Variants in FAM228B observed in about 807,000 individuals in gnomAD.
The protein encoded by FAM228B is protein FAM228B.
Under a neutral mutation model 42.6 loss-of-function variants are expected in FAM228B, and 38 were observed. That is an observed-to-expected ratio of 0.89 (90% CI 0.69 to 1.17). The LOEUF is 1.17. FAM228B is among the 50% of genes most tolerant of loss of function. The pLI is 0.00. For missense variants in FAM228B, 344 were observed against 367.3 expected (o/e 0.94, Z 0.52); for synonymous variants, 109 against 122.3 (o/e 0.89, Z 0.72).
rs146486055 is a variant in FAM228B, at chr2:24,169,084, G to C, written c.*15-272G>C. On this transcript the variant is annotated intron_variant, in intron 10 of 10. Transcript: ENST00000615575. The surrounding 1 kb of genome is among the most constrained non-coding windows in gnomAD (Gnocchi z 4.2). ...TTGACATCTGAAAGCTGAGACCACA[G>C]GGGTTCCCTCAAATCATGTCACACA... Among the ~76,000 whole-genome samples the C allele has an allele frequency of 2.0e-5, 3 of 152,270 alleles. No individual in the cohort carries two copies. Among genetic ancestry groups the C allele is most frequent in the Non-Finnish European group, 2.9e-5 (2 of 68,018 alleles).
chr2:24,084,419 G>C lies in FAM228B; in HGVS notation c.-210+3464G>C. 1 of 1,413,764 alleles carries C rather than the reference G, an allele frequency of 7.1e-7. No individual in the cohort carries two copies. Among genetic ancestry groups the C allele is most frequent in the Non-Finnish European group, 9.3e-7 (1 of 1,070,198 alleles). The allele number at this position is 1,413,764 out of a possible 1,614,324, so 87.6% of individuals were successfully genotyped here. On this transcript the variant is annotated intron_variant, in intron 2 of 10. Coordinates refer to the FAM228B transcript ENST00000613899. This position sits in a 1 kb window ranked among gnomAD's most constrained non-coding sequence, Gnocchi z 8.4. ...GGCAGGGCAGGACAGGACAGGGCAG[G>C]GGCCGCTGTATCCTCGCGGAGCAGC... is the stretch of plus-strand genomic sequence containing the variant.
At chr2:24,132,909 T>C (rs1036621254) in intron 2 of FAM228B, among the ~76,000 whole-genome samples, 5 of 152,324 alleles carry the variant, frequency 3.3e-5, no homozygotes, top group African/African-American at 1.2e-4. Context: ...CTGGGCTACA[T>C]GGAGTCTGCC....
At chr2:24,112,296 CTTTTTT>C (rs397984067) in intron 3 of FAM228B, among the ~76,000 whole-genome samples, 1 of 95,744 alleles carries the variant, frequency 1.0e-5, no homozygotes, top group Non-Finnish European at 2.1e-5. Context: ...AAGCTTTCAT[CTTTTTT>C]TTTTTTTTTT....
At chr2:24,115,680 C>T in intron 3 of FAM228B, 1 of 1,532,844 alleles carries the variant, frequency 6.5e-7, no homozygotes, top group Non-Finnish European at 9.0e-7. Context: ...TTCATTCATC[C>T]ATTTATTATT....
chr2:24,159,787 G>A (rs1006204326), intron 7 of FAM228B, among the ~76,000 whole-genome samples: 2 of 152,050 alleles, frequency 1.3e-5, no homozygotes, highest in Non-Finnish European at 2.9e-5. Flanking sequence ...CCAAGCACAC[G>A]ATTCTAGATT....
chr2:24,126,828 G>A (rs1265116897), intron 2 of FAM228B, among the ~76,000 whole-genome samples: 3 of 152,026 alleles, frequency 2.0e-5, no homozygotes, highest in Non-Finnish European at 2.9e-5. Flanking sequence ...GTTTCACCAC[G>A]TTAGCCAGGA....
chr2:24,091,063 G>C (rs1253866130), intron 2 of FAM228B, among the ~76,000 whole-genome samples: 1 of 151,190 alleles, frequency 6.6e-6, no homozygotes, highest in Non-Finnish European at 1.5e-5. Flanking sequence ...AATACAATAA[G>C]ATAAAAAACG....
At chr2:24,128,757 T>G (rs1190930211) in intron 2 of FAM228B, among the ~76,000 whole-genome samples, 1 of 152,140 alleles carries the variant, frequency 6.6e-6, no homozygotes, top group East Asian at 1.9e-4. Context: ...ATTTTTCCCC[T>G]TGGATTCAGT....
chr2:24,121,490 G>C (rs1033003650), upstream of FAM228B, among the ~76,000 whole-genome samples: 4 of 152,150 alleles, frequency 2.6e-5, no homozygotes, highest in South Asian at 8.3e-4. Context: ...TCAAACTTCA[G>C]TATCCATAAA....
intron 3 of FAM228B, chr2:24,096,645 A>G (rs1443023431): frequency 6.6e-6 from 1 of 152,220 alleles, no homozygotes; most frequent in Non-Finnish European, 1.5e-5. Context: ...GAAAAGACCA[A>G]ATCTATGTTT....
Position 24,133,200 on chromosome 2 carries a change from G to A in FAM228B, c.100-1919G>A, listed in dbSNP as rs575045498. ...AGTGCTGTTTTTTTTTCTTGGTGTT[G>A]AATAGCATTCAGTAACTTCCTGCTT... On this transcript the variant is annotated intron_variant, in intron 2 of 10. Transcript: ENST00000615575. Among the ~76,000 whole-genome samples the A allele has an allele frequency of 8.6e-5, 13 of 152,040 alleles. No individual in the cohort carries two copies. The South Asian group carries it at 2.7e-3, about 32-fold the overall frequency.
At chr2:24,159,447 A>G (rs1200370394) in intron 7 of FAM228B, among the ~76,000 whole-genome samples, 1 of 152,252 alleles carries the variant, frequency 6.6e-6, no homozygotes, top group Admixed American at 6.5e-5. Context: ...GAAAGCAGAC[A>G]AAGGTAGAAC....
At chr2:24,102,325 T>C (rs1318749648) in intron 3 of FAM228B, among the ~76,000 whole-genome samples, 1 of 152,238 alleles carries the variant, frequency 6.6e-6, no homozygotes, top group East Asian at 1.9e-4. Flanking sequence ...TTTTTTCACT[T>C]AGAGGCACCT....
chr2:24,081,112 T>G (rs1374659026), intron 2 of FAM228B: 1 of 1,082,276 alleles, frequency 9.2e-7, no homozygotes, highest in African/African-American at 1.7e-5. Flanking sequence ...CAAGATCACC[T>G]GGCCGTTGCA....
upstream of FAM228B, chr2:24,122,486 T>C (rs763699421): frequency 6.2e-6 from 10 of 1,614,192 alleles, no homozygotes; most frequent in South Asian, 1.1e-4. Flanking sequence ...ACTGTCCACA[T>C]GCTTGGTTCC....
chr2:24,087,734 C>T (rs1665293871), intron 2 of FAM228B, among the ~76,000 whole-genome samples: 1 of 152,000 alleles, frequency 6.6e-6, no homozygotes, highest in Non-Finnish European at 1.5e-5. Flanking sequence ...CCTCAGCCTC[C>T]CGAGTAGCTG....
chr2:24,096,036 G>T (rs1167982583), intron 3 of FAM228B: 1 of 152,234 alleles, frequency 6.6e-6, no homozygotes, highest in Non-Finnish European at 1.5e-5. Context: ...TGCAGCTGAG[G>T]GACCTGACAG....
intron 2 of FAM228B, among the ~76,000 whole-genome samples, chr2:24,090,469 A>G (rs1275637535): frequency 6.7e-6 from 1 of 148,278 alleles, no homozygotes; most frequent in Non-Finnish European, 1.5e-5. Context: ...CTGTAGTCCC[A>G]GGTACCTGCG....
intron 7 of FAM228B, among the ~76,000 whole-genome samples, chr2:24,159,530 T>G (rs1427879137): frequency 2.0e-5 from 3 of 152,220 alleles, no homozygotes; most frequent in African/African-American, 7.2e-5. Context: ...TTTTATAATT[T>G]TATTAATTTA....
Sources: allele counts gnomAD v4.1 joint callset (sites outside exome capture counted in the v4.1 genomes callset), GRCh38; gene constraint gnomAD v4.1.1; non-coding constraint Gnocchi (gnomAD v3.1); transcripts MANE v1.5; gene names NCBI Gene and HGNC (gene_info 2026-07-23, HGNC 2026-07-21).